PBRM1: variants seen among roughly 807,000 people sequenced by gnomAD.
The protein encoded by PBRM1 is protein polybromo-1.
PBRM1 carries 27 observed loss-of-function variants against 194.5 expected under a neutral mutation model. The observed-to-expected ratio is 0.14, with a 90% CI of 0.10 to 0.19. The LOEUF is 0.19. PBRM1 is among the 10% of genes least tolerant of loss of function. The pLI, the probability that PBRM1 is intolerant of heterozygous loss-of-function variation, is 1.00. For missense variants in PBRM1, 1,466 were observed against 2,077.2 expected, an observed-to-expected ratio of 0.71 and a Z score of 5.72; for synonymous variants, 655 against 693.2, an observed-to-expected ratio of 0.94 and a Z score of 0.87.
intron 13 of PBRM1, among the ~76,000 whole-genome samples, chr3:52,622,018 C>T (rs1313153658): frequency 6.6e-6 from 1 of 152,102 alleles, no homozygotes. Context: ...TGCACTCCAG[C>T]CTGGGCAACA....
At chr3:52,601,061 T>G (rs867012695) in intron 17 of PBRM1, among the ~76,000 whole-genome samples, 1 of 152,244 alleles carries the variant, frequency 6.6e-6, no homozygotes, top group Non-Finnish European at 1.5e-5. Context: ...TATGTGTGTC[T>G]AGTACAACAG....
intron 2 of PBRM1, among the ~76,000 whole-genome samples, chr3:52,672,582 C>A (rs1371183179): frequency 1.3e-5 from 2 of 150,510 alleles, no homozygotes; most frequent in Non-Finnish European, 2.9e-5. Flanking sequence ...GCAACCTCTG[C>A]CTCCTGGGTT....
At chr3:52,606,890 G>A (rs1176699376) in intron 16 of PBRM1, among the ~76,000 whole-genome samples, 1 of 152,180 alleles carries the variant, frequency 6.6e-6, no homozygotes, top group East Asian at 1.9e-4. Context: ...AAATACTGTT[G>A]ATGGACAAAC....
chr3:52,614,373 CAA>C (rs1165930996), intron 15 of PBRM1, among the ~76,000 whole-genome samples: 6 of 40,918 alleles, frequency 1.5e-4, no homozygotes, highest in South Asian at 2.0e-3. Flanking sequence ...GATGCTTCAT[CAA>C]AAAAAAAAAA....
rs141744374 is a variant in PBRM1 at position 52,679,139 on chromosome 3, G to A, written c.138+435C>T. ...TGGTTCTGTCTGGAACTCTCTTCCA[G>A]CGAATTCAGGCCAAAACAGCCCAAA... On this transcript the variant is annotated intron_variant, in intron 1 of 29. Transcript: ENST00000296302. Among the ~76,000 whole-genome samples the A allele has an allele frequency of 5.3e-3, 803 of 152,292 alleles. 9 individuals carry two copies. The highest frequency in any genetic ancestry group is 0.018 in the African/African-American group (740 of 41,556).
intron 2 of PBRM1, 135 bp from the exon 4 acceptor site, chr3:52,668,780 A>C: frequency 3.3e-6 from 1 of 300,142 alleles, no homozygotes; most frequent in Non-Finnish European, 5.6e-6. Flanking sequence ...TTTGAAGCTT[A>C]CTTAAAAAAA....
intron 14 of PBRM1, among the ~76,000 whole-genome samples, chr3:52,616,744 A>T (rs937604180): frequency 2.0e-5 from 3 of 152,226 alleles, no homozygotes; most frequent in Admixed American, 6.5e-5. Flanking sequence ...AATTATTTAG[A>T]GGTACATTTA....
chr3:52,550,350 T>G (rs1299183507), intron 29 of PBRM1, 71 bp downstream of exon 31: 2 of 656,118 alleles, frequency 3.0e-6, no homozygotes, highest in African/African-American at 3.7e-5. Context: ...TATGATATAC[T>G]ATGCTAACAG....
chr3:52,603,352 G>A (rs531190323), intron 17 of PBRM1, among the ~76,000 whole-genome samples, 169 bp downstream of exon 19: 55 of 152,204 alleles, frequency 3.6e-4, no homozygotes, highest in Non-Finnish European at 6.8e-4. Context: ...CAGGTCTGAT[G>A]ACCAAATTGA....
Position 52,609,195 on chromosome 3 carries a change from T to C in PBRM1, c.2567+118A>G. ...TGGCTGATTAGAATTCAGAATAGCA[T>C]GCTACCAACTACAAATCATGTATGT... On this transcript the variant is annotated intron_variant, in intron 16 of 29. Transcript: ENST00000296302. This position sits in a 1 kb window ranked among gnomAD's most constrained non-coding sequence, Gnocchi z 4.1. The C allele has an allele frequency of 1.3e-6, 1 of 786,804 alleles. No individual in the cohort carries two copies. Among genetic ancestry groups the C allele is most frequent in the South Asian group, 1.8e-5 (1 of 55,600 alleles). The allele number at this position is 786,804 out of a possible 1,614,324, so 48.7% of individuals were successfully genotyped here.
chr3:52,675,830 C>T (rs1468024723), intron 2 of PBRM1, among the ~76,000 whole-genome samples: 1 of 144,802 alleles, frequency 6.9e-6, no homozygotes, highest in Non-Finnish European at 1.5e-5. Flanking sequence ...AAGAATGAAG[C>T]GGGGGCCGGG....
At chr3:52,660,627 C>T (rs2096704529) in intron 4 of PBRM1, among the ~76,000 whole-genome samples, 1 of 152,018 alleles carries the variant, frequency 6.6e-6, no homozygotes, top group Non-Finnish European at 1.5e-5. Context: ...ATTCTCCTGC[C>T]TCAGCCTCCC....
intron 16 of PBRM1, among the ~76,000 whole-genome samples, chr3:52,607,151 T>C (rs1182079852): frequency 1.3e-5 from 2 of 152,192 alleles, no homozygotes; most frequent in African/African-American, 4.8e-5. Flanking sequence ...AAGGCATAGT[T>C]TATCATTCAC....
upstream of PBRM1, among the ~76,000 whole-genome samples, chr3:52,680,403 C>T (rs2097183383): frequency 6.6e-6 from 1 of 152,194 alleles, no homozygotes; most frequent in South Asian, 2.1e-4. Flanking sequence ...GACAGAGGTA[C>T]AAACTATCCT....
intron 14 of PBRM1, 39 bp downstream of exon 16, chr3:52,617,223 G>C (rs146171360): frequency 1.3e-6 from 2 of 1,573,314 alleles, no homozygotes; most frequent in African/African-American, 2.7e-5. Context: ...CCCCTCTCCC[G>C]CAAAATGTGC....
chr3:52,641,823 C>T, intron 10 of PBRM1, 131 bp downstream of exon 11: 4 of 745,080 alleles, frequency 5.4e-6, no homozygotes, highest in Non-Finnish European at 9.8e-6. Context: ...TACCAGAGTA[C>T]AATCAAATGC....
At chr3:52,587,659 C>T in intron 18 of PBRM1, 149 bp from the exon 21 acceptor site, 1 of 614,062 alleles carries the variant, frequency 1.6e-6, no homozygotes, top group Non-Finnish European at 2.8e-6. Context: ...GTCCTCCAAC[C>T]TCAGCCTCCT....
intron 17 of PBRM1, 76 bp from the exon 20 acceptor site, chr3:52,589,331 A>C (rs975283837): frequency 3.1e-5 from 26 of 843,812 alleles, no homozygotes; most frequent in Non-Finnish European, 4.5e-5. Flanking sequence ...TAGGGTTCAA[A>C]CAACACATAC....
At chr3:52,553,209 G>C (rs564244840) in intron 27 of PBRM1, among the ~76,000 whole-genome samples, 1 of 152,160 alleles carries the variant, frequency 6.6e-6, no homozygotes, top group South Asian at 2.1e-4. Flanking sequence ...AATGCTTTCC[G>C]AGTCTTCCAA....
Sources: gnomAD v4.1 joint callset for allele counts (sites outside exome capture counted in the v4.1 genomes callset) on GRCh38, gnomAD v4.1.1 for gene constraint, Gnocchi (gnomAD v3.1) non-coding constraint, MANE v1.5 for transcripts, NCBI Gene and HGNC (gene_info 2026-07-23, HGNC 2026-07-21) for gene names.